Variants in CABS1 observed in about 807,000 individuals in gnomAD.
CABS1 encodes the protein calcium binding protein, spermatid associated 1, also known as calcium-binding and spermatid-specific protein 1.
For missense variants in CABS1, 500 were observed against 464.3 expected (o/e 1.08, Z -0.71); for synonymous variants, 195 against 169.0 (o/e 1.15, Z -1.19).
Position 70,335,510 on chromosome 4 carries a change from A to G in CABS1, c.471A>G (p.Ser157=), listed in dbSNP as rs758694119. The G allele has an allele frequency of 2.5e-6, 4 of 1,613,700 alleles. No individual in the cohort carries two copies. The highest frequency in any genetic ancestry group is 3.4e-6 in the Non-Finnish European group (4 of 1,179,778). Residue 157 remains serine, a synonymous_variant, in exon 1 of 2, where the codon TCA becomes TCG. Coordinates refer to ENST00000273936, the MANE Select transcript of CABS1 (RefSeq NM_033122.4). ...TTGACACAGGAGATGCAGAGATCTC[A>G]ATAACCTCTGAAGTCTCTGGCACAC... ...ATIDTGDAEI[S]ITSEVSGTLK...
Position 70,335,348 on chromosome 4 carries a change from A to G in CABS1, c.309A>G (p.Thr103=). Residue 103 remains threonine (T), a synonymous_variant, in exon 1 of 2, where the codon ACA becomes ACG. Coordinates refer to ENST00000273936, the MANE Select transcript of CABS1 (RefSeq NM_033122.4). ...AAATTACCTCTCTGACTGGCACTAC[A>G]AACTCCATAACAAGAGACTCTATTA... ...QKEITSLTGT[T]NSITRDSITE... is the part of the protein sequence containing the mutation. 6.2e-7 allele frequency: 1 copy of G among 1,613,826 alleles called. No individual in the cohort carries two copies. The highest frequency in any genetic ancestry group is 8.5e-7 in the Non-Finnish European group (1 of 1,179,844).
Position 70,335,890 on chromosome 4 carries a change from C to G in CABS1, c.851C>G (p.Thr284Ser). 1 of 1,613,586 alleles carries G rather than the reference C, an allele frequency of 6.2e-7. No homozygotes were observed. The highest frequency in any genetic ancestry group is 8.5e-7 in the Non-Finnish European group (1 of 1,179,728). The stretch of plus-strand genomic sequence containing the variant: ...AAAGACAAAGATAAACGGGAAGATA[C>G]TCTGCTAACTGATGAAGAAACTACC... ...AEKDKDKRED[T>S]LLTDEETTEG... Residue 284 changes from threonine (T) to serine (S), a missense_variant, in exon 1 of 2, where the codon ACT becomes AGT. By Grantham distance (58) the Thr-to-Ser change is moderately conservative (BLOSUM62 1). Coordinates refer to ENST00000273936, the MANE Select transcript of CABS1 (RefSeq NM_033122.4).
At chr4:70,336,481 T>A in intron 1 of CABS1, 135 bp downstream of exon 1, 1 of 351,380 alleles carries the variant, frequency 2.8e-6, no homozygotes, top group Non-Finnish European at 5.1e-6. Context: ...AACAATTACT[T>A]AATGTAAAAT....
At position 70,335,128 on chromosome 4, in the gene CABS1, C is replaced by T. The variant is rs1560515453; in HGVS notation, c.89C>T (p.Ala30Val). ...ACTGCAGCAACCATTTTCTTTGGGG[C>T]TGACAATGCTATTCCCAAATCAGAA... ...TPTAATIFFG[A>V]DNAIPKSETT... Residue 30 changes from alanine to valine, a missense_variant, in exon 1 of 2, where the codon GCT (alanine) becomes GTT (valine). Transcript: ENST00000273936. 3 of 1,613,772 alleles carry T rather than the reference C, an allele frequency of 1.9e-6. No individual in the cohort carries two copies. Among genetic ancestry groups the T allele is most frequent in the African/African-American group, 2.7e-5 (2 of 75,018 alleles).
Position 70,335,180 on chromosome 4 carries a change from C to T in CABS1, c.141C>T (p.His47=), listed in dbSNP as rs1307976693. 10 of 1,613,762 alleles carry T rather than the reference C, an allele frequency of 6.2e-6. No homozygotes were observed. The highest frequency in any genetic ancestry group is 4.0e-5 in the African/African-American group (3 of 74,986). The change falls in exon 1 of 2, where the codon CAC becomes CAT. Residue 47 remains histidine (H), a synonymous_variant. Transcript: ENST00000273936. ...CAACTATTACTTCAGAAGGAGACCA[C>T]GTCACTTCAGTAAATGAATATATGC... ...SETTITSEGD[H]VTSVNEYMLE...
chr4:70,336,543 T>G (rs1047505178), intron 1 of CABS1, among the ~76,000 whole-genome samples, 197 bp downstream of exon 1: 1 of 151,990 alleles, frequency 6.6e-6, no homozygotes, highest in Admixed American at 6.6e-5. Context: ...TAGGGGCTCA[T>G]TTCTACAACA....
chr4:70,335,361 A>G lies in CABS1; in HGVS notation c.322A>G (p.Arg108Gly). 6.2e-7 allele frequency: 1 copy of G among 1,613,826 alleles called. No individual in the cohort carries two copies. The change falls in exon 1 of 2, where the codon AGA becomes GGA. Residue 108 changes from arginine (R) to glycine (G), a missense_variant. By Grantham distance (125) the Arg-to-Gly change is moderately radical. Coordinates refer to ENST00000273936, the MANE Select transcript of CABS1 (RefSeq NM_033122.4). ...GACTGGCACTACAAACTCCATAACA[A>G]GAGACTCTATTACCGAACATTTCAT... ...SLTGTTNSIT[R>G]DSITEHFMPV...
rs769791858 is a variant in CABS1 at position 70,335,791 on chromosome 4, C to A, written c.752C>A (p.Thr251Asn). ...EIDLSVLEDD[T>N]SAVATLTDSD... ...GACCTAAGTGTTTTAGAAGATGACA[C>A]CAGTGCTGTGGCTACATTAACTGAC... Residue 251 changes from threonine to asparagine, a missense_variant, in exon 1 of 2, where the codon ACC becomes AAC. Thr to Asn is a moderately conservative substitution (Grantham distance 65). Transcript: ENST00000273936. 6.2e-7 allele frequency: 1 copy of A among 1,613,564 alleles called. No individual in the cohort carries two copies. Among genetic ancestry groups the A allele is most frequent in the Non-Finnish European group, 8.5e-7 (1 of 1,179,722 alleles).
chr4:70,336,594 C>T (rs895589179), intron 1 of CABS1, among the ~76,000 whole-genome samples: 15 of 150,454 alleles, frequency 1.0e-4, no homozygotes, highest in African/African-American at 3.2e-4. Flanking sequence ...CAATATTATA[C>T]TTAAGTGAGA....
chr4:70,335,103 A>G lies in CABS1; in HGVS notation c.64A>G (p.Thr22Ala). The G allele has an allele frequency of 6.2e-7, 1 of 1,613,648 alleles. No individual in the cohort carries two copies. Among genetic ancestry groups the G allele is most frequent in the East Asian group, 2.2e-5 (1 of 44,854 alleles). Residue 22 changes from threonine (T) to alanine (A), a missense_variant, in exon 1 of 2, where the codon ACT (threonine) becomes GCT (alanine). Coordinates refer to ENST00000273936, the MANE Select transcript of CABS1 (RefSeq NM_033122.4). ...HPPTESSKTP[T>A]AATIFFGADN... ...TCCAACAGAAAGCAGTAAAACACCA[A>G]CTGCAGCAACCATTTTCTTTGGGGC...
At position 70,335,403 on chromosome 4, in the gene CABS1, A is replaced by T; in HGVS notation, c.364A>T (p.Asn122Tyr). 6.2e-7 allele frequency: 1 copy of T among 1,613,760 alleles called. No individual in the cohort carries two copies. The highest frequency in any genetic ancestry group is 8.5e-7 in the Non-Finnish European group (1 of 1,179,832). ...TEHFMPVKIG[N>Y]ISSPVTTVSL... Reference sequence around the variant, plus strand: ...ACATTTCATGCCAGTGAAAATTGGGAATATTTCATCACCAGTTACTACTGT... The same window carrying T: ...ACATTTCATGCCAGTGAAAATTGGGTATATTTCATCACCAGTTACTACTGT... Residue 122 changes from asparagine to tyrosine, a missense_variant, in exon 1 of 2, where the codon AAT (asparagine) becomes TAT (tyrosine). Transcript: ENST00000273936.
rs754538156 is a variant in CABS1, at chr4:70,335,759, C to A, written c.720C>A (p.Thr240=). The A allele has an allele frequency of 4.3e-6, 7 of 1,613,452 alleles. No individual in the cohort carries two copies. The Admixed American group carries it at 1.0e-4, about 23-fold the overall frequency. The change falls in exon 1 of 2, where the codon ACC becomes ACA. Residue 240 remains threonine, a synonymous_variant. Coordinates refer to ENST00000273936, the MANE Select transcript of CABS1 (RefSeq NM_033122.4). The part of the protein sequence containing the change: ...DITALEEEKI[T]EIDLSVLEDD... ...CTGCCCTTGAAGAAGAGAAAATAACCGAAATTGACCTAAGTGTTTTAGAAG... is the reference window on the plus strand; with the variant it reads ...CTGCCCTTGAAGAAGAGAAAATAACAGAAATTGACCTAAGTGTTTTAGAAG...
chr4:70,336,051 T>C lies in CABS1; in HGVS notation c.1012T>C (p.Ser338Pro), dbSNP rs1560515984. Residue 338 changes from serine (S) to proline (P), a missense_variant, in exon 1 of 2, where the codon TCT becomes CCT. Coordinates refer to ENST00000273936, the MANE Select transcript of CABS1 (RefSeq NM_033122.4). ...SIATNLVEES[S>P]TEEDLSETDN... Reference sequence around the variant, plus strand: ...AGCTACAAACCTAGTGGAAGAATCATCTACAGAAGAAGATTTGTCTGAAAC... The same window carrying C: ...AGCTACAAACCTAGTGGAAGAATCACCTACAGAAGAAGATTTGTCTGAAAC... 6.2e-7 allele frequency: 1 copy of C among 1,613,434 alleles called. No individual in the cohort carries two copies. The highest frequency in any genetic ancestry group is 8.5e-7 in the Non-Finnish European group (1 of 1,179,620).
At position 70,335,892 on chromosome 4, in the gene CABS1, C is replaced by T. The variant is rs201758701; in HGVS notation, c.853C>T (p.Leu285=). Residue 285 remains leucine, a synonymous_variant, in exon 1 of 2, where the codon CTG becomes TTG. Coordinates refer to ENST00000273936, the MANE Select transcript of CABS1 (RefSeq NM_033122.4). ...EKDKDKREDT[L]LTDEETTEGA... is the part of the protein sequence containing the mutation. ...AGACAAAGATAAACGGGAAGATACTCTGCTAACTGATGAAGAAACTACCGA... is the reference window on the plus strand; with the variant it reads ...AGACAAAGATAAACGGGAAGATACTTTGCTAACTGATGAAGAAACTACCGA... 5 of 1,613,608 alleles carry T rather than the reference C, an allele frequency of 3.1e-6. No individual in the cohort carries two copies. The highest frequency in any genetic ancestry group is 3.4e-6 in the Non-Finnish European group (4 of 1,179,742).
rs1052546925 is a variant in CABS1, at chr4:70,335,554, G to C, written c.515G>C (p.Gly172Ala). Residue 172 changes from glycine (G) to alanine (A), a missense_variant, in exon 1 of 2, where the codon GGT becomes GCT. Physicochemically the swap from Gly to Ala is moderately conservative, Grantham distance 60. Coordinates refer to ENST00000273936, the MANE Select transcript of CABS1 (RefSeq NM_033122.4). ...VSGTLKDSSA[G>A]VADAPAFPRK... ...GGCACACTAAAGGACAGCAGTGCTG[G>C]TGTTGCTGACGCTCCTGCCTTTCCA... 5 of 1,613,586 alleles carry C rather than the reference G, an allele frequency of 3.1e-6. No individual in the cohort carries two copies. Among genetic ancestry groups the C allele is most frequent in the Non-Finnish European group, 4.2e-6 (5 of 1,179,818 alleles).
Position 70,335,502 on chromosome 4 carries a change from G to T in CABS1, c.463G>T (p.Glu155Ter). Residue 155 changes from glutamate to a stop codon, truncating the protein, a stop_gained, in exon 1 of 2, where the codon GAG becomes TAG. Coordinates refer to ENST00000273936, the MANE Select transcript of CABS1 (RefSeq NM_033122.4). LOFTEE classifies it low-confidence loss of function (END_TRUNC). ...LLATIDTGDA[E>*]ISITSEVSGT... ...AGCTACCATTGACACAGGAGATGCA[G>T]AGATCTCAATAACCTCTGAAGTCTC... is the stretch of plus-strand genomic sequence containing the variant. The T allele has an allele frequency of 6.2e-7, 1 of 1,613,710 alleles. No individual in the cohort carries two copies. The highest frequency in any genetic ancestry group is 8.5e-7 in the Non-Finnish European group (1 of 1,179,792).
chr4:70,335,146 A>C lies in CABS1; in HGVS notation c.107A>C (p.Lys36Thr). The C allele has an allele frequency of 6.2e-7, 1 of 1,613,838 alleles. No individual in the cohort carries two copies. Among genetic ancestry groups the C allele is most frequent in the East Asian group, 2.2e-5 (1 of 44,856 alleles). Residue 36 changes from lysine to threonine, a missense_variant, in exon 1 of 2, where the codon AAA becomes ACA. By Grantham distance (78) the Lys-to-Thr change is moderately conservative (BLOSUM62 -1). Coordinates refer to ENST00000273936, the MANE Select transcript of CABS1 (RefSeq NM_033122.4). The stretch of plus-strand genomic sequence containing the variant: ...TTTGGGGCTGACAATGCTATTCCCA[A>C]ATCAGAAACAACTATTACTTCAGAA... ...IFFGADNAIP[K>T]SETTITSEGD... is the part of the protein sequence containing the mutation.
At chr4:70,336,627 A>C (rs1181915416) in intron 1 of CABS1, among the ~76,000 whole-genome samples, 2 of 146,682 alleles carry the variant, frequency 1.4e-5, no homozygotes, top group Non-Finnish European at 3.1e-5. Flanking sequence ...AAGAGAAGCA[A>C]ATTAACCTCT....
Position 70,337,015 on chromosome 4 carries a change from C to T in CABS1, c.*169C>T, listed in dbSNP as rs1018771168. On this transcript the variant is annotated 3_prime_UTR_variant, in exon 2 of 2. Coordinates refer to ENST00000273936, the MANE Select transcript of CABS1 (RefSeq NM_033122.4). ...CTTCTTATGACTCTTGTTAGCGATT[C>T]AAGGACATAAATCTTCATTCTTTTC... The T allele has an allele frequency of 6.6e-6, 1 of 151,114 alleles. No homozygotes were observed. Among genetic ancestry groups the T allele is most frequent in the Non-Finnish European group, 1.5e-5 (1 of 67,106 alleles). 9.4% of individuals were successfully genotyped at this position (151,114 alleles called of 1,614,324 possible).
Sources: gnomAD v4.1 joint callset for allele counts (sites outside exome capture counted in the v4.1 genomes callset) on GRCh38, gnomAD v4.1.1 for gene constraint, MANE v1.5 for transcripts, NCBI Gene and HGNC (gene_info 2026-07-23, HGNC 2026-07-21) for gene names.